The following ERO1A variants were observed in gnomAD, a reference collection of about 807,000 sequenced individuals.
The protein encoded by ERO1A is endoplasmic reticulum oxidoreductase 1 alpha.
In ERO1A, 49 loss-of-function variants were observed where a neutral mutation model predicts 76.9. The observed-to-expected ratio is 0.64, with a 90% CI of 0.51 to 0.81. The LOEUF (loss-of-function observed/expected upper bound fraction) is 0.81, where lower values mean the gene tolerates loss of function less well. Ranked by LOEUF, ERO1A falls within the 30% of genes least tolerant of loss-of-function variation. ERO1A has a pLI of 0.00. For synonymous variants in ERO1A, 174 were observed against 181.2 expected (o/e 0.96, Z 0.32); for missense variants, 448 against 542.1 (o/e 0.83, Z 1.72).
At position 52,642,505 on chromosome 14, in the gene ERO1A, T is replaced by C. The variant is rs926353780; in HGVS notation, c.*1065A>G. The C allele has an allele frequency of 6.6e-6, 1 of 152,168 alleles. No homozygotes were observed. The highest frequency in any genetic ancestry group is 2.4e-5 in the African/African-American group (1 of 41,444). 9.4% of individuals were successfully genotyped at this position (152,168 alleles called of 1,614,324 possible). ...ATTCTAAGGCTTACAGTATTATAGT[T>C]CCAGAATTGTGGGAGTTTTTTTTTC... On this transcript the variant is annotated 3_prime_UTR_variant, in exon 16 of 16. Transcript: ENST00000395686.
At chr14:52,666,551 T>C (rs1175555991) in intron 6 of ERO1A, 56 bp from the exon 7 acceptor site, 57 of 1,476,294 alleles carry the variant, frequency 3.9e-5, no homozygotes, top group Non-Finnish European at 4.9e-5. Flanking sequence ...CTTAAAAAGC[T>C]ACTACACAAG....
intron 2 of ERO1A, among the ~76,000 whole-genome samples, chr14:52,683,140 G>A (rs1477511157): frequency 2.0e-5 from 3 of 152,072 alleles, no homozygotes; most frequent in South Asian, 2.1e-4. Flanking sequence ...CCCAGGAGGC[G>A]GAAGTTGGCA....
chr14:52,678,459 T>C lies in ERO1A; in HGVS notation c.332A>G (p.Asp111Gly). 6.2e-7 allele frequency: 1 copy of C among 1,612,890 alleles called. No individual in the cohort carries two copies. The highest frequency in any genetic ancestry group is 8.5e-7 in the Non-Finnish European group (1 of 1,179,382). ...VKPCQSDEVP[D>G]GIKSASYKYS... is the part of the protein sequence containing the mutation. ...CTTGTAGCTCGCAGATTTAATTCCA[T>C]CAGGAACTTCATCCTGAAAAAGAAA... The change falls in exon 4 of 16, where the codon GAT becomes GGT. Residue 111 changes from aspartate (D) to glycine (G), a missense_variant. By Grantham distance (94) the Asp-to-Gly change is moderately conservative (BLOSUM62 -1). Transcript: ENST00000395686.
At chr14:52,667,001 C>T (rs1594827201) in intron 6 of ERO1A, among the ~76,000 whole-genome samples, 1 of 152,104 alleles carries the variant, frequency 6.6e-6, no homozygotes, top group Non-Finnish European at 1.5e-5. Flanking sequence ...GCTACAAAAA[C>T]ATTATGATTT....
intron 15 of ERO1A, among the ~76,000 whole-genome samples, chr14:52,644,021 T>C (rs989032724): frequency 3.9e-5 from 6 of 151,900 alleles, no homozygotes; most frequent in African/African-American, 1.5e-4. Flanking sequence ...TGCCATGTAG[T>C]CGTAGCTACT....
chr14:52,665,792 C>A (rs116419184), intron 7 of ERO1A, among the ~76,000 whole-genome samples: 6 of 152,146 alleles, frequency 3.9e-5, no homozygotes, highest in Admixed American at 6.5e-5. Context: ...CTGAACAAAT[C>A]ATTTAACCTC....
Position 52,646,320 on chromosome 14 carries a change from G to A in ERO1A, c.1213-33C>T, listed in dbSNP as rs768137052. ...AGAAATAAGGAAAAAAGAAAAATTAGAAAATTATTCATGCAAAGGGTAAAT... is the reference window on the plus strand; with the variant it reads ...AGAAATAAGGAAAAAAGAAAAATTAAAAAATTATTCATGCAAAGGGTAAAT... On this transcript the variant is annotated intron_variant, in intron 14 of 15. Transcript: ENST00000395686. The A allele has an allele frequency of 2.5e-6, 4 of 1,599,450 alleles. No individual in the cohort carries two copies. In the East Asian group the frequency reaches 8.9e-5, roughly 36 times the overall value.
At chr14:52,663,132 G>T (rs992124672) in intron 8 of ERO1A, among the ~76,000 whole-genome samples, 2 of 152,068 alleles carry the variant, frequency 1.3e-5, no homozygotes, top group Non-Finnish European at 2.9e-5. Context: ...GAAATCAGAT[G>T]CCCAATATTT....
chr14:52,676,564 GT>G (rs1271543144), intron 4 of ERO1A, among the ~76,000 whole-genome samples: 1 of 152,174 alleles, frequency 6.6e-6, no homozygotes, highest in Non-Finnish European at 1.5e-5. Flanking sequence ...GTGTCTGAGT[GT>G]AATTATTTTT....
intron 13 of ERO1A, 36 bp from the exon 14 acceptor site, chr14:52,646,497 A>G: frequency 6.7e-7 from 1 of 1,489,194 alleles, no homozygotes; most frequent in Admixed American, 1.8e-5. Flanking sequence ...TTAAGATGTA[A>G]TATACAGTCA....
chr14:52,648,288 T>C (rs2039738308), intron 13 of ERO1A, among the ~76,000 whole-genome samples: 1 of 152,164 alleles, frequency 6.6e-6, no homozygotes, highest in African/African-American at 2.4e-5. Context: ...GATTCTGTGA[T>C]CTGATTTTAG....
rs1440931116 is a variant in ERO1A at position 52,643,606 on chromosome 14, T to G, written c.1371A>C (p.Leu457Phe). Residue 457 changes from leucine to phenylalanine, a missense_variant, in exon 16 of 16, where the codon TTA becomes TTC. Leu to Phe is a conservative substitution (Grantham distance 22). Transcript: ENST00000395686. The part of the protein sequence containing the change: ...FGRISTSVKE[L>F]ENFRNLLQNI... Reference sequence around the variant, plus strand: ...TCTGTAACAAGTTCCTGAAGTTTTCTAATTCTTTCACACTTGTAGAAATTC... The same window carrying G: ...TCTGTAACAAGTTCCTGAAGTTTTCGAATTCTTTCACACTTGTAGAAATTC... 3 of 1,487,386 alleles carry G rather than the reference T, an allele frequency of 2.0e-6. No homozygotes were observed. Among genetic ancestry groups the G allele is most frequent in the Non-Finnish European group, 1.8e-6 (2 of 1,124,460 alleles). 92.1% of individuals were successfully genotyped at this position (1,487,386 alleles called of 1,614,324 possible). A position where few individuals can be genotyped will look rare whatever the true frequency, so the allele number is the denominator to read the frequency against.
intron 13 of ERO1A, among the ~76,000 whole-genome samples, chr14:52,651,106 CAAAAAAAAA>C (rs5808681): frequency 9.8e-6 from 1 of 102,370 alleles, no homozygotes. Flanking sequence ...CTGTTTCTAC[CAAAAAAAAA>C]AAAAAAAAAA....
intron 4 of ERO1A, among the ~76,000 whole-genome samples, chr14:52,674,782 A>G (rs564409813): frequency 1.2e-4 from 18 of 152,238 alleles, no homozygotes; most frequent in Non-Finnish European, 2.4e-4. Context: ...CTAACATTCT[A>G]TCTCTTAATA....
chr14:52,646,359 G>A lies in ERO1A; in HGVS notation c.1212+16C>T. On this transcript the variant is annotated intron_variant, in intron 14 of 15. Transcript: ENST00000395686. ...CAAAGGGTAAATGAGAAATAGGAAT[G>A]ACTAAATTTGCTTACCTGAAGCTTT... 6.2e-7 allele frequency: 1 copy of A among 1,607,308 alleles called. No individual in the cohort carries two copies. The highest frequency in any genetic ancestry group is 8.5e-7 in the Non-Finnish European group (1 of 1,177,328).
chr14:52,653,087 T>C lies in ERO1A; in HGVS notation c.1037A>G (p.Glu346Gly). The change falls in exon 12 of 16, where the codon GAA becomes GGA. Residue 346 changes from glutamate to glycine, a missense_variant. Glu to Gly is a moderately conservative substitution (Grantham distance 98). Transcript: ENST00000395686. ...QDEENKMLLLEILHEIKSFPL... is the reference protein window; with the variant it reads ...QDEENKMLLLGILHEIKSFPL... The stretch of plus-strand genomic sequence containing the variant: ...AATTTACTTGATTTCATGAAGTATT[T>C]CCAGAAGTAACATTTTGTTTTCCTC... The C allele has an allele frequency of 1.3e-6, 2 of 1,530,458 alleles. No homozygotes were observed. The highest frequency in any genetic ancestry group is 1.8e-6 in the Non-Finnish European group (2 of 1,104,536). 94.8% of individuals were successfully genotyped at this position (1,530,458 alleles called of 1,614,324 possible).
chr14:52,694,098 T>C lies in ERO1A; in HGVS notation c.114+1270A>G, dbSNP rs997807792. ...CAAATCTCCAGAATGTAGCTGAAAA[T>C]GTTACATTGGACATCTTCTTTCCGT... is the stretch of plus-strand genomic sequence containing the variant. On this transcript the variant is annotated intron_variant, in intron 1 of 15. Transcript: ENST00000395686. 4.6e-5 allele frequency among the ~76,000 whole-genome samples: 7 copies of C among 152,268 alleles called. No homozygotes were observed. In the South Asian group the frequency reaches 1.4e-3, roughly 32 times the overall value.
At chr14:52,657,243 C>G (rs1037217528) in intron 11 of ERO1A, among the ~76,000 whole-genome samples, 1 of 152,178 alleles carries the variant, frequency 6.6e-6, no homozygotes, top group Non-Finnish European at 1.5e-5. Context: ...CAAGCTGCTA[C>G]TCTGGGCACA....
At chr14:52,660,517 C>T (rs534968728) in intron 9 of ERO1A, among the ~76,000 whole-genome samples, 2 of 152,180 alleles carry the variant, frequency 1.3e-5, no homozygotes, top group Non-Finnish European at 2.9e-5. Flanking sequence ...CTCTTCCAAA[C>T]AGTTCTGAGT....
Sources: gnomAD v4.1 joint callset for allele counts (sites outside exome capture counted in the v4.1 genomes callset) on GRCh38, gnomAD v4.1.1 for gene constraint, MANE v1.5 for transcripts, NCBI Gene and HGNC (gene_info 2026-07-23, HGNC 2026-07-21) for gene names.